IRF2: variants seen among roughly 807,000 people sequenced by gnomAD.
IRF2 encodes the protein interferon regulatory factor 2.
IRF2 carries 15 observed loss-of-function variants against 40.6 expected under a neutral mutation model. The observed-to-expected ratio is 0.37, with a 90% CI of 0.25 to 0.57. The LOEUF (loss-of-function observed/expected upper bound fraction) is 0.57, where lower values mean the gene tolerates loss of function less well. Ranked by LOEUF, IRF2 falls within the 20% of genes least tolerant of loss-of-function variation. IRF2 has a pLI of 0.77. For missense variants in IRF2, 317 were observed against 455.7 expected, an observed-to-expected ratio of 0.70 and a Z score of 2.77; for synonymous variants, 151 against 165.5, an observed-to-expected ratio of 0.91 and a Z score of 0.67.
intron 1 of IRF2, among the ~76,000 whole-genome samples, chr4:184,459,471 C>T (rs960392500): frequency 2.0e-5 from 3 of 152,312 alleles, no homozygotes; most frequent in South Asian, 2.1e-4. Context: ...CTTACCCATG[C>T]GCTCTGATTT....
intron 6 of IRF2, among the ~76,000 whole-genome samples, chr4:184,399,437 T>C (rs1036782315): frequency 6.6e-6 from 1 of 152,188 alleles, no homozygotes; most frequent in African/African-American, 2.4e-5. Flanking sequence ...TGACAGTACT[T>C]TGAACCTGAC....
chr4:184,402,450 C>G lies in IRF2; in HGVS notation c.530-3371G>C, dbSNP rs528421915. ...GGCCGCGACCTTGTGACACTTCTGA[C>G]CTCAAGTTGCTGGTTAACGCTATAT... On this transcript the variant is annotated intron_variant, in intron 6 of 8. Transcript: ENST00000393593. Among the ~76,000 whole-genome samples the G allele has an allele frequency of 6.6e-5, 10 of 152,302 alleles. No individual in the cohort carries two copies. In the South Asian group the frequency reaches 2.1e-3, roughly 32 times the overall value.
intron 1 of IRF2, among the ~76,000 whole-genome samples, chr4:184,464,973 G>C (rs890199940): frequency 6.6e-6 from 1 of 152,054 alleles, no homozygotes; most frequent in Non-Finnish European, 1.5e-5. Context: ...TCACCTAAGG[G>C]TCAAGGTTTA....
At chr4:184,406,418 C>T (rs761266548) in intron 6 of IRF2, among the ~76,000 whole-genome samples, 1 of 151,874 alleles carries the variant, frequency 6.6e-6, no homozygotes, top group Non-Finnish European at 1.5e-5. Flanking sequence ...TTAGTAGAGA[C>T]AGGGTTTCAC....
rs894118972 is a variant in IRF2 at position 184,422,517 on chromosome 4, G to A, written c.88-2949C>T. On this transcript the variant is annotated intron_variant, in intron 2 of 8. Transcript: ENST00000393593. ...GCACTACTTTCAAAAGCCAAAAGATGGAAACAACCCGAGTGTCCATCAGCT... is the reference window on the plus strand; with the variant it reads ...GCACTACTTTCAAAAGCCAAAAGATAGAAACAACCCGAGTGTCCATCAGCT... Among the ~76,000 whole-genome samples the A allele has an allele frequency of 2.0e-5, 3 of 152,278 alleles. No homozygotes were observed. The East Asian group carries it at 5.8e-4, about 29-fold the overall frequency.
intron 2 of IRF2, 183 bp downstream of exon 2, chr4:184,428,795 T>A (rs532387948): frequency 2.1e-5 from 13 of 609,078 alleles, no homozygotes; most frequent in Middle Eastern, 2.6e-4. Flanking sequence ...TGAGACCCTG[T>A]CTCTAAAAGA....
intron 1 of IRF2, among the ~76,000 whole-genome samples, chr4:184,471,121 T>C (rs1041741955): frequency 6.6e-6 from 1 of 152,238 alleles, no homozygotes; most frequent in Non-Finnish European, 1.5e-5. Flanking sequence ...CTTTTTACAC[T>C]AAGAATAATC....
chr4:184,429,099 G>T (rs758300510), intron 1 of IRF2, 29 bp from the exon 2 acceptor site: 8 of 1,565,716 alleles, frequency 5.1e-6, no homozygotes, highest in Non-Finnish European at 7.0e-6. Flanking sequence ...AGCGTCAGGC[G>T]TTGGTGCCAC....
At chr4:184,457,821 A>G (rs1007123209) in intron 1 of IRF2, among the ~76,000 whole-genome samples, 5 of 150,032 alleles carry the variant, frequency 3.3e-5, no homozygotes, top group African/African-American at 1.2e-4. Context: ...TGCACAGGGG[A>G]AAATGTTCCA....
intron 1 of IRF2, among the ~76,000 whole-genome samples, chr4:184,434,331 T>C (rs1296957532): frequency 6.6e-6 from 1 of 152,242 alleles, no homozygotes; most frequent in Non-Finnish European, 1.5e-5. Flanking sequence ...GCCCACACTT[T>C]GATCATCTAG....
rs149758870 is a variant in IRF2, at chr4:184,440,529, C to T, written c.-6-11459G>A. ...CACTACAAACGGGCCTTCATGCCTC[C>T]GTCTTGTTTGCTCACACTGCAAACA... On this transcript the variant is annotated intron_variant, in intron 1 of 8. Coordinates refer to ENST00000393593, the MANE Select transcript of IRF2 (RefSeq NM_002199.4). Among the ~76,000 whole-genome samples the T allele has an allele frequency of 2.9e-3, 435 of 152,374 alleles. 2 individuals carry two copies. Among genetic ancestry groups the T allele is most frequent in the African/African-American group, 8.6e-3 (359 of 41,594 alleles).
At chr4:184,397,887 G>A (rs1439272470) in intron 7 of IRF2, among the ~76,000 whole-genome samples, 2 of 152,128 alleles carry the variant, frequency 1.3e-5, no homozygotes, top group African/African-American at 2.4e-5. Context: ...TAATGTTGGC[G>A]AACGAGAGGA....
chr4:184,398,883 C>T, intron 7 of IRF2, 32 bp downstream of exon 7: 1 of 1,553,800 alleles, frequency 6.4e-7, no homozygotes, highest in Non-Finnish European at 8.7e-7. Flanking sequence ...GGCCGGTTCC[C>T]ACGCCTCCCG....
intron 7 of IRF2, among the ~76,000 whole-genome samples, chr4:184,392,734 T>C (rs574791294): frequency 1.3e-5 from 2 of 152,274 alleles, no homozygotes; most frequent in South Asian, 4.1e-4. Context: ...GTGCATTCCT[T>C]AAACAAGGAA....
At chr4:184,457,892 C>A (rs1739003025) in intron 1 of IRF2, among the ~76,000 whole-genome samples, 1 of 152,180 alleles carries the variant, frequency 6.6e-6, no homozygotes, top group Non-Finnish European at 1.5e-5. Flanking sequence ...GGAACAAAAC[C>A]CTTCCTTACT....
chr4:184,389,050 C>G lies in IRF2; in HGVS notation c.758G>C (p.Arg253Pro). The G allele has an allele frequency of 1.2e-6, 2 of 1,614,140 alleles. No homozygotes were observed. The highest frequency in any genetic ancestry group is 1.7e-6 in the Non-Finnish European group (2 of 1,179,996). The change falls in exon 9 of 9, where the codon CGG becomes CCG. Residue 253 changes from arginine to proline, a missense_variant. Coordinates refer to ENST00000393593, the MANE Select transcript of IRF2 (RefSeq NM_002199.4). ...EESAEGRPHW[R>P]KRNIEGKQYL... is the part of the protein sequence containing the mutation. ...CTGTTTGCCTTCAATATTCCTCTTC[C>G]GCCAGTGTGGCCGCCCCTTTCAAGA...
rs899204745 is a variant in IRF2, at chr4:184,413,679, G to C, written c.411+4488C>G. On this transcript the variant is annotated intron_variant, in intron 5 of 8. Coordinates refer to ENST00000393593, the MANE Select transcript of IRF2 (RefSeq NM_002199.4). This position sits in a 1 kb window ranked among gnomAD's most constrained non-coding sequence, Gnocchi z 4.2. ...AGACCAGGCCTAATCTTTTCCAAGC[G>C]ACTTTGGCAGCCCTTCCCAATTCTG... Among the ~76,000 whole-genome samples, 1 of 152,186 alleles carries C rather than the reference G, an allele frequency of 6.6e-6. No homozygotes were observed. The highest frequency in any genetic ancestry group is 1.9e-4 in the East Asian group (1 of 5,202).
At chr4:184,395,279 T>G (rs57747949) in intron 7 of IRF2, among the ~76,000 whole-genome samples, 1,995 of 151,666 alleles carry the variant, frequency 0.013, 60 homozygotes, top group African/African-American at 0.045. Flanking sequence ...CGGGCTTGGT[T>G]GTGGGTGCCT....
At chr4:184,404,012 CACTT>C (rs1736761025) in intron 6 of IRF2, among the ~76,000 whole-genome samples, 1 of 152,112 alleles carries the variant, frequency 6.6e-6, no homozygotes, top group African/African-American at 2.4e-5. Context: ...AGGTCATTCT[CACTT>C]TATTAGCAAT....
Sources: gnomAD v4.1 joint callset for allele counts (sites outside exome capture counted in the v4.1 genomes callset) on GRCh38, gnomAD v4.1.1 for gene constraint, Gnocchi (gnomAD v3.1) non-coding constraint, MANE v1.5 for transcripts, NCBI Gene and HGNC (gene_info 2026-07-23, HGNC 2026-07-21) for gene names.